FRMD4A: variants seen among roughly 807,000 people sequenced by gnomAD.
FRMD4A encodes the protein FERM domain containing 4A, also known as FERM domain-containing protein 4A.
Under a neutral mutation model 129.1 loss-of-function variants are expected in FRMD4A, and 29 were observed. The observed-to-expected ratio is 0.22, with a 90% CI of 0.17 to 0.31. The LOEUF (loss-of-function observed/expected upper bound fraction) is 0.31, where lower values mean the gene tolerates loss of function less well. FRMD4A is among the 10% of genes least tolerant of loss of function. The pLI is 1.00. For missense variants in FRMD4A, 1,272 were observed against 1,375.8 expected (o/e 0.92, Z 1.19); for synonymous variants, 634 against 571.6 (o/e 1.11, Z -1.56).
intron 2 of FRMD4A, among the ~76,000 whole-genome samples, chr10:14,240,094 T>C (rs1843987937): frequency 6.6e-6 from 1 of 152,208 alleles, no homozygotes; most frequent in South Asian, 2.1e-4. Flanking sequence ...ACTATGTTGA[T>C]GGTTGCTAGA....
intron 2 of FRMD4A, among the ~76,000 whole-genome samples, chr10:14,205,253 C>T (rs1243317150): frequency 1.3e-5 from 2 of 152,092 alleles, no homozygotes; most frequent in Non-Finnish European, 2.9e-5. Flanking sequence ...GTACTAGCCA[C>T]ATTTCAACTA....
rs563625003 is a variant in FRMD4A, at chr10:14,075,541, A to C, written c.46-216629T>G. On this transcript the variant is annotated intron_variant, in intron 2 of 24. Coordinates refer to ENST00000357447, the MANE Select transcript of FRMD4A (RefSeq NM_018027.5). Reference sequence around the variant, plus strand: ...ACATATCATGTTGCTTCTCAAAACCAACAGTGAAAAAGTATTCTTTAGCCT... The same window carrying C: ...ACATATCATGTTGCTTCTCAAAACCCACAGTGAAAAAGTATTCTTTAGCCT... Among the ~76,000 whole-genome samples, 5 of 152,214 alleles carry C rather than the reference A, an allele frequency of 3.3e-5. No homozygotes were observed. The South Asian group carries it at 1.0e-3, about 32-fold the overall frequency.
At chr10:14,237,250 G>A (rs1843857437) in intron 2 of FRMD4A, among the ~76,000 whole-genome samples, 1 of 152,104 alleles carries the variant, frequency 6.6e-6, no homozygotes, top group Admixed American at 6.6e-5. Context: ...TAGGAGATGT[G>A]TGCTAGGTGC....
At position 13,657,664 on chromosome 10, in the gene FRMD4A, C is replaced by T. The variant is rs574709382; in HGVS notation, c.2067-142G>A. 111 of 1,224,600 alleles carry T rather than the reference C, an allele frequency of 9.1e-5. No homozygotes were observed. The African/African-American group carries it at 1.6e-3, about 17-fold the overall frequency. 75.9% of individuals were successfully genotyped at this position (1,224,600 alleles called of 1,614,324 possible). A position where few individuals can be genotyped will look rare whatever the true frequency, so the allele number is the denominator to read the frequency against. On this transcript the variant is annotated intron_variant, in intron 21 of 24. Coordinates refer to ENST00000357447, the MANE Select transcript of FRMD4A (RefSeq NM_018027.5). ...CAGCCCAGCAAGCCAGAGTCTCACTCAGCAGGGCTGCCCCAGGGATCCGGG... is the reference window on the plus strand; with the variant it reads ...CAGCCCAGCAAGCCAGAGTCTCACTTAGCAGGGCTGCCCCAGGGATCCGGG...
intron 2 of FRMD4A, among the ~76,000 whole-genome samples, chr10:14,261,335 A>G (rs1396465430): frequency 6.6e-6 from 1 of 152,244 alleles, no homozygotes; most frequent in African/African-American, 2.4e-5. Context: ...GAGTGAATTA[A>G]TTAATGAGTG....
At chr10:13,738,260 A>G (rs1042510446) in intron 11 of FRMD4A, among the ~76,000 whole-genome samples, 1 of 152,092 alleles carries the variant, frequency 6.6e-6, no homozygotes, top group African/African-American at 2.4e-5. Context: ...CTAAGAATTT[A>G]GGCATTCCAT....
At chr10:13,888,131 A>G (rs372605380) in intron 2 of FRMD4A, among the ~76,000 whole-genome samples, 293 of 152,322 alleles carry the variant, frequency 1.9e-3, no homozygotes, top group African/African-American at 6.7e-3. Context: ...AACAACAACT[A>G]AAAATGGAAA....
At chr10:13,666,896 CT>C (rs2083083506) in intron 17 of FRMD4A, among the ~76,000 whole-genome samples, 1 of 134,206 alleles carries the variant, frequency 7.5e-6, no homozygotes, top group African/African-American at 3.1e-5. Context: ...CTTTCGGGAG[CT>C]TTTCTTTTCT....
At chr10:14,032,634 G>A (rs1833300641) in intron 2 of FRMD4A, among the ~76,000 whole-genome samples, 1 of 152,296 alleles carries the variant, frequency 6.6e-6, no homozygotes, top group East Asian at 1.9e-4. Context: ...GCGCCAGCAA[G>A]GGGGAGCTGC....
chr10:13,857,899 C>G (rs1422781893), intron 3 of FRMD4A, among the ~76,000 whole-genome samples: 1 of 152,140 alleles, frequency 6.6e-6, no homozygotes, highest in Non-Finnish European at 1.5e-5. Flanking sequence ...AAACAATGGT[C>G]TGTTTAAGAA....
intron 2 of FRMD4A, among the ~76,000 whole-genome samples, chr10:13,930,060 G>GA (rs1041758501): frequency 4.6e-5 from 7 of 151,962 alleles, no homozygotes; most frequent in African/African-American, 1.2e-4. Flanking sequence ...TTCTCTCCAA[G>GA]AAAAAAAATA....
chr10:14,184,652 C>G (rs1190624229), intron 2 of FRMD4A, among the ~76,000 whole-genome samples: 1 of 152,120 alleles, frequency 6.6e-6, no homozygotes, highest in South Asian at 2.1e-4. Context: ...CAGAAGCACA[C>G]GTCCAGGCCG....
intron 2 of FRMD4A, among the ~76,000 whole-genome samples, chr10:14,121,144 G>A (rs766382009): frequency 6.6e-6 from 1 of 152,080 alleles, no homozygotes; most frequent in Non-Finnish European, 1.5e-5. Flanking sequence ...GAGTTGGGTG[G>A]ATCACCTGAG....
chr10:14,165,379 G>A (rs561519172), intron 2 of FRMD4A, among the ~76,000 whole-genome samples: 1 of 152,320 alleles, frequency 6.6e-6, no homozygotes, highest in African/African-American at 2.4e-5. Context: ...TGGTGAAGTT[G>A]AGGGAAAAAA....
At chr10:13,749,561 A>G (rs923130957) in intron 8 of FRMD4A, among the ~76,000 whole-genome samples, 3 of 152,134 alleles carry the variant, frequency 2.0e-5, no homozygotes, top group Non-Finnish European at 4.4e-5. Context: ...CAGCGTCACC[A>G]TTGGATGCCC....
At chr10:14,028,380 A>T (rs997361549) in intron 2 of FRMD4A, among the ~76,000 whole-genome samples, 1 of 152,154 alleles carries the variant, frequency 6.6e-6, no homozygotes, top group Non-Finnish European at 1.5e-5. Context: ...GGAAATATGA[A>T]TGTAGAGCGT....
intron 6 of FRMD4A, among the ~76,000 whole-genome samples, chr10:13,781,219 A>C (rs1339064506): frequency 6.8e-6 from 1 of 147,662 alleles, no homozygotes; most frequent in Non-Finnish European, 1.5e-5. Context: ...TAGGAGGATC[A>C]CTTGAACCCA....
chr10:13,938,629 A>G (rs1472925710), intron 2 of FRMD4A, among the ~76,000 whole-genome samples: 1 of 152,190 alleles, frequency 6.6e-6, no homozygotes, highest in African/African-American at 2.4e-5. Context: ...ATCCAGCACA[A>G]AATCCTGGCA....
Position 13,674,929 on chromosome 10 carries a change from C to A in FRMD4A, c.1233G>T (p.Lys411Asn), listed in dbSNP as rs1589311745. 6.2e-7 allele frequency: 1 copy of A among 1,614,210 alleles called. No individual in the cohort carries two copies. Among genetic ancestry groups the A allele is most frequent in the Non-Finnish European group, 8.5e-7 (1 of 1,180,028 alleles). Residue 411 changes from lysine (K) to asparagine (N), a missense_variant, in exon 16 of 25, where the codon AAG becomes AAT. Lys to Asn is a moderately conservative substitution (Grantham distance 94, BLOSUM62 0). Transcript: ENST00000357447. Reference protein sequence around the residue: ...TLRQRLEELKKLCLREAELTG... With the variant: ...TLRQRLEELKNLCLREAELTG... ...GGCTTACAGCTTCTCGGAGACACAG[C>A]TTCTTCAGTTCCTCCAGCCTCTGAC...
Sources: gnomAD v4.1 joint callset for allele counts (sites outside exome capture counted in the v4.1 genomes callset) on GRCh38, gnomAD v4.1.1 for gene constraint, MANE v1.5 for transcripts, NCBI Gene and HGNC (gene_info 2026-07-23, HGNC 2026-07-21) for gene names.